The following PACS2 variants were observed in gnomAD, a reference collection of about 807,000 sequenced individuals.
PACS2 encodes phosphofurin acidic cluster sorting protein 2.
PACS2 carries 36 observed loss-of-function variants against 113.0 expected under a neutral mutation model. The observed-to-expected ratio is 0.32, with a 90% CI of 0.24 to 0.42. The LOEUF is 0.42. Ranked by LOEUF, PACS2 falls within the 10% of genes least tolerant of loss-of-function variation. The pLI is 1.00. For missense variants in PACS2, 1,015 were observed against 1,239.5 expected (o/e 0.82, Z 2.72); for synonymous variants, 589 against 536.1 (o/e 1.10, Z -1.36).
rs1555405478 is a variant in PACS2, at chr14:105,357,277, G to C, written c.423+2100G>C. Among the ~76,000 whole-genome samples the C allele has an allele frequency of 6.6e-6, 1 of 151,864 alleles. No homozygotes were observed. Among genetic ancestry groups the C allele is most frequent in the Non-Finnish European group, 1.5e-5 (1 of 67,972 alleles). On this transcript the variant is annotated intron_variant, in intron 4 of 24. Coordinates refer to ENST00000447393, the MANE Select transcript of PACS2 (RefSeq NM_001100913.3). This position sits in a 1 kb window ranked among gnomAD's most constrained non-coding sequence, Gnocchi z 5.1. Reference sequence around the variant, plus strand: ...CTGGAGCAACCTTCCCCCACCCCAGGTCACACCAGCCACATCGTCTGCTGC... The same window carrying C: ...CTGGAGCAACCTTCCCCCACCCCAGCTCACACCAGCCACATCGTCTGCTGC...
rs2058495853 is a variant in PACS2, at chr14:105,314,853, CGCCCGCCGCGCGTCCGCG to C, written c.-60_-43del. 3.9e-5 allele frequency: 29 copies of C among 736,874 alleles called. No individual in the cohort carries two copies. Among genetic ancestry groups the C allele is most frequent in the Non-Finnish European group, 4.6e-5 (28 of 607,634 alleles). The allele number at this position is 736,874 out of a possible 1,614,324, so 45.6% of individuals were successfully genotyped here. ...GCCGCCGCCCTCCGCGCGCCCGGCC[CGCCCGCCGCGCGTCCGCG>C]GCCCGGCCGCAGCCCCAGGCCGCCG... On this transcript the variant is annotated 5_prime_UTR_variant, in exon 1 of 25. Coordinates refer to ENST00000447393, the MANE Select transcript of PACS2 (RefSeq NM_001100913.3).
chr14:105,375,403 G>A (rs372693201), intron 8 of PACS2, among the ~76,000 whole-genome samples: 2 of 151,144 alleles, frequency 1.3e-5, no homozygotes, highest in South Asian at 2.1e-4. Flanking sequence ...GCGTGAACCC[G>A]GGAGGCGGAG....
At position 105,315,555 on chromosome 14, in the gene PACS2, C is replaced by T. The variant is rs2058562532; in HGVS notation, c.119+518C>T. The T allele has an allele frequency of 6.6e-6, 1 of 152,322 alleles. No individual in the cohort carries two copies. The highest frequency in any genetic ancestry group is 1.5e-5 in the Non-Finnish European group (1 of 68,104). 9.4% of individuals were successfully genotyped at this position (152,322 alleles called of 1,614,324 possible). A position where few individuals can be genotyped will look rare whatever the true frequency, so the allele number is the denominator to read the frequency against. On this transcript the variant is annotated intron_variant, in intron 1 of 24. Transcript: ENST00000447393. The surrounding 1 kb of genome is among the most constrained non-coding windows in gnomAD (Gnocchi z 4.4). ...GGGGCGGGGTCGTCCTCGCGGGTAC[C>T]TGGTTGGCGCTGTCTCTCATTTAGA...
intron 1 of PACS2, among the ~76,000 whole-genome samples, chr14:105,327,289 G>A (rs2059150062): frequency 6.6e-6 from 1 of 152,224 alleles, no homozygotes; most frequent in Non-Finnish European, 1.5e-5. Context: ...GGCTGCAGTG[G>A]TGGTAGCCTG....
intron 19 of PACS2, among the ~76,000 whole-genome samples, chr14:105,388,129 T>G (rs1445042033): frequency 6.6e-6 from 1 of 152,212 alleles, no homozygotes; most frequent in African/African-American, 2.4e-5. Context: ...GAAATGGAAC[T>G]AGGCCTGGGG....
chr14:105,371,619 G>C (rs1414757807), intron 8 of PACS2: 1 of 152,208 alleles, frequency 6.6e-6, no homozygotes. Flanking sequence ...CTCCGCCACA[G>C]CTCTGAACCT....
intron 1 of PACS2, among the ~76,000 whole-genome samples, chr14:105,335,896 G>A (rs1423284951): frequency 2.0e-5 from 3 of 152,212 alleles, no homozygotes; most frequent in Non-Finnish European, 4.4e-5. Flanking sequence ...AGAGAGCCCC[G>A]TGGAACTCTC....
At chr14:105,300,808 C>A in exon 1 of PACS2, 1 of 252,440 alleles carries the variant, frequency 4.0e-6, no homozygotes. Context: ...CCGCGCCGCC[C>A]GCAACGGCCG....
intron 22 of PACS2, chr14:105,392,139 G>A (rs1555415068): frequency 2.1e-5 from 7 of 334,752 alleles, no homozygotes; most frequent in Admixed American, 4.7e-5. Context: ...CTGAGGCCCC[G>A]CTAGCCCGCC....
chr14:105,335,841 G>C (rs1482366902), intron 1 of PACS2, among the ~76,000 whole-genome samples: 2 of 152,252 alleles, frequency 1.3e-5, no homozygotes, highest in Non-Finnish European at 2.9e-5. Flanking sequence ...CCGCCCGGGC[G>C]AGCCTTGGGA....
At chr14:105,377,014 C>T (rs1434297262) in intron 9 of PACS2, 89 bp downstream of exon 9, 3 of 1,391,174 alleles carry the variant, frequency 2.2e-6, no homozygotes, top group Non-Finnish European at 2.9e-6. Flanking sequence ...ATGTCCAGCC[C>T]TGGAGACGGG....
At position 105,354,307 on chromosome 14, in the gene PACS2, G is replaced by A. The variant is rs2060346560; in HGVS notation, c.298-745G>A. Among the ~76,000 whole-genome samples the A allele has an allele frequency of 6.6e-6, 1 of 152,064 alleles. No individual in the cohort carries two copies. Among genetic ancestry groups the A allele is most frequent in the South Asian group, 2.1e-4 (1 of 4,830 alleles). Reference sequence around the variant, plus strand: ...TGTAGAGATGGGGTTTTGCCATGTTGGCTAGGGTGGTCTCGAACTCCCTAC... The same window carrying A: ...TGTAGAGATGGGGTTTTGCCATGTTAGCTAGGGTGGTCTCGAACTCCCTAC... On this transcript the variant is annotated intron_variant, in intron 3 of 24. Coordinates refer to ENST00000447393, the MANE Select transcript of PACS2 (RefSeq NM_001100913.3). This position sits in a 1 kb window ranked among gnomAD's most constrained non-coding sequence, Gnocchi z 4.2.
At chr14:105,313,218 G>T (rs776482519), upstream of PACS2, among the ~76,000 whole-genome samples, 1 of 152,186 alleles carries the variant, frequency 6.6e-6, no homozygotes, top group Non-Finnish European at 1.5e-5. Context: ...CTGCACGCTC[G>T]CCAGGTCCAG....
At chr14:105,321,488 G>A (rs987838452) in intron 1 of PACS2, among the ~76,000 whole-genome samples, 1 of 151,796 alleles carries the variant, frequency 6.6e-6, no homozygotes, top group African/African-American at 2.4e-5. Flanking sequence ...TCAGCTTCCC[G>A]AGTAGCTGGG....
rs1458177986 is a variant in PACS2, at chr14:105,356,287, C to T, written c.423+1110C>T. Among the ~76,000 whole-genome samples the T allele has an allele frequency of 6.6e-6, 1 of 152,214 alleles. No individual in the cohort carries two copies. Among genetic ancestry groups the T allele is most frequent in the Non-Finnish European group, 1.5e-5 (1 of 68,022 alleles). On this transcript the variant is annotated intron_variant, in intron 4 of 24. Transcript: ENST00000447393. This position sits in a 1 kb window ranked among gnomAD's most constrained non-coding sequence, Gnocchi z 4.0. ...GCCAAGTACTACTCTGGGCTCAGCC[C>T]TCCCTGCTACCCCAGGAGATGGGAG...
rs2058497594 is a variant in PACS2, at chr14:105,314,883, G to A, written c.-36G>A. ...GCCGCGCGTCCGCGGCCCGGCCGCA[G>A]CCCCAGGCCGCCGAGGGAGCGGCGG... is the stretch of plus-strand genomic sequence containing the variant. On this transcript the variant is annotated 5_prime_UTR_variant, in exon 1 of 25. Coordinates refer to ENST00000447393, the MANE Select transcript of PACS2 (RefSeq NM_001100913.3). 1.1e-6 allele frequency: 1 copy of A among 941,780 alleles called. No individual in the cohort carries two copies. The highest frequency in any genetic ancestry group is 1.8e-5 in the African/African-American group (1 of 54,546). 58.3% of individuals were successfully genotyped at this position (941,780 alleles called of 1,614,324 possible).
chr14:105,375,481 CA>C (rs34549878), intron 8 of PACS2, among the ~76,000 whole-genome samples: 1,074 of 51,372 alleles, frequency 0.021, 4 homozygotes, highest in African/African-American at 0.048. Context: ...GACTCCATCT[CA>C]AAAAAAAAAA....
intron 1 of PACS2, among the ~76,000 whole-genome samples, chr14:105,334,335 A>T (rs1256799500): frequency 6.6e-6 from 1 of 152,228 alleles, no homozygotes; most frequent in Non-Finnish European, 1.5e-5. Context: ...CATTGGAAGG[A>T]GAGAGCTGTT....
chr14:105,381,040 G>C lies in PACS2; in HGVS notation c.1209G>C (p.Glu403Asp). The C allele has an allele frequency of 3.1e-6, 5 of 1,612,550 alleles. No homozygotes were observed. Among genetic ancestry groups the C allele is most frequent in the Non-Finnish European group, 4.2e-6 (5 of 1,179,768 alleles). ...AEASTLDVFTERLPPSGRITK... is the reference protein window; with the variant it reads ...AEASTLDVFTDRLPPSGRITK... ...CCTCCACCCTGGATGTGTTCACGGA[G>C]AGGCTGCCGCCCAGCGGGAGGATCA... Residue 403 changes from glutamate (E) to aspartate (D), a missense_variant, in exon 12 of 25, where the codon GAG (glutamate) becomes GAC (aspartate). Glu to Asp is a conservative substitution (Grantham distance 45). This residue lies in a region of PACS2 where 859 missense variants were observed against 1,056.8 expected (regional missense o/e 0.81). Coordinates refer to ENST00000447393, the MANE Select transcript of PACS2 (RefSeq NM_001100913.3).
Sources: gnomAD v4.1 joint callset for allele counts (sites outside exome capture counted in the v4.1 genomes callset) on GRCh38, gnomAD v4.1.1 for gene constraint, gnomAD v4.1.1 regional missense constraint, Gnocchi (gnomAD v3.1) non-coding constraint, MANE v1.5 for transcripts, NCBI Gene and HGNC (gene_info 2026-07-23, HGNC 2026-07-21) for gene names.